SEMA3E: variants seen among roughly 807,000 people sequenced by gnomAD.
SEMA3E encodes the protein semaphorin 3E.
In SEMA3E, 49 loss-of-function variants were observed where a neutral mutation model predicts 93.6. The observed-to-expected ratio is 0.52, with a 90% CI of 0.42 to 0.66. SEMA3E has a LOEUF of 0.66. Among genes scored for constraint, SEMA3E ranks in the 30% least tolerant of loss-of-function variants. The probability of loss-of-function intolerance (pLI) is 0.00; values close to 1 mark genes in which losing one functional copy is unlikely to be tolerated. For synonymous variants in SEMA3E, 363 were observed against 330.7 expected (o/e 1.10, Z -1.06); for missense variants, 906 against 964.8 (o/e 0.94, Z 0.81).
chr7:83,506,534 G>A (rs189716125), intron 1 of SEMA3E, among the ~76,000 whole-genome samples: 1 of 152,044 alleles, frequency 6.6e-6, no homozygotes, highest in East Asian at 1.9e-4. Context: ...GAATAAATAA[G>A]ATCTAGTATT....
At chr7:83,644,719 A>G (rs1477165156) in intron 1 of SEMA3E, among the ~76,000 whole-genome samples, 2 of 151,950 alleles carry the variant, frequency 1.3e-5, no homozygotes, top group Non-Finnish European at 2.9e-5. Context: ...AACTATGATA[A>G]ATCTGTATTT....
At chr7:83,461,758 C>T (rs919701730) in intron 4 of SEMA3E, among the ~76,000 whole-genome samples, 9 of 152,182 alleles carry the variant, frequency 5.9e-5, no homozygotes, top group Admixed American at 5.9e-4. Context: ...GGCCCTCAAA[C>T]CCCACAACAG....
At chr7:83,529,405 T>C (rs1562820571) in intron 1 of SEMA3E, among the ~76,000 whole-genome samples, 2 of 152,152 alleles carry the variant, frequency 1.3e-5, no homozygotes, top group African/African-American at 2.4e-5. Context: ...TTGGTAATTA[T>C]GGTAATTTGA....
rs79678081 is a variant in SEMA3E, at chr7:83,523,408, A to T, written c.116-33134T>A. ...AGGGAGGAAGTCAGAGGCATGTTTTAAAAAATGTAACAAATTTCATTTTTA... is the reference window on the plus strand; with the variant it reads ...AGGGAGGAAGTCAGAGGCATGTTTTTAAAAATGTAACAAATTTCATTTTTA... On this transcript the variant is annotated intron_variant, in intron 1 of 16. Coordinates refer to ENST00000643230, the MANE Select transcript of SEMA3E (RefSeq NM_012431.3). Among the ~76,000 whole-genome samples the T allele has an allele frequency of 4.3e-3, 650 of 152,194 alleles. 2 individuals are homozygous for T. The highest frequency in any genetic ancestry group is 0.015 in the African/African-American group (631 of 41,552).
chr7:83,415,628 C>T (rs955094246), intron 5 of SEMA3E, among the ~76,000 whole-genome samples: 2 of 152,012 alleles, frequency 1.3e-5, no homozygotes. Context: ...TTATTAACCT[C>T]TTCTTCGTAT....
chr7:83,407,279 T>C (rs780446739), intron 6 of SEMA3E, 40 bp from the exon 7 acceptor site: 22 of 1,536,820 alleles, frequency 1.4e-5, no homozygotes, highest in Non-Finnish European at 1.7e-5. Flanking sequence ...GAAATAGATA[T>C]TACAACTAAA....
intron 1 of SEMA3E, among the ~76,000 whole-genome samples, chr7:83,510,543 A>G (rs1245403888): frequency 2.6e-5 from 4 of 152,174 alleles, no homozygotes; most frequent in Non-Finnish European, 5.9e-5. Context: ...TCCTTCAAAC[A>G]TTGAACCATG....
At chr7:83,605,286 G>A (rs536979942) in intron 1 of SEMA3E, among the ~76,000 whole-genome samples, 10 of 152,016 alleles carry the variant, frequency 6.6e-5, no homozygotes, top group East Asian at 5.8e-4. Flanking sequence ...CAGACTTGCC[G>A]GTATCTATTG....
At chr7:83,424,835 T>C (rs1256407903) in intron 4 of SEMA3E, 2 of 208,400 alleles carry the variant, frequency 9.6e-6, no homozygotes, top group Non-Finnish European at 2.0e-5. Context: ...CGAGAAAAAC[T>C]AGATCCAGAA....
intron 4 of SEMA3E, among the ~76,000 whole-genome samples, chr7:83,454,296 T>TATATATATATATAA (rs1350195502): frequency 7.7e-6 from 1 of 130,650 alleles, no homozygotes; most frequent in Admixed American, 8.2e-5. Flanking sequence ...TATATATATA[T>TATATATATATATAA]AATGTGTGTA....
intron 1 of SEMA3E, among the ~76,000 whole-genome samples, chr7:83,640,245 C>T (rs1436945313): frequency 6.6e-6 from 1 of 152,188 alleles, no homozygotes; most frequent in East Asian, 1.9e-4. Flanking sequence ...TGTTCCACCA[C>T]TCTATCCTGT....
intron 4 of SEMA3E, among the ~76,000 whole-genome samples, chr7:83,446,846 T>C (rs763474032): frequency 1.1e-4 from 16 of 152,182 alleles, no homozygotes; most frequent in Non-Finnish European, 2.4e-4. Flanking sequence ...TAACACTCCC[T>C]TGTGAAGTGT....
At chr7:83,520,202 T>C (rs914309599) in intron 1 of SEMA3E, among the ~76,000 whole-genome samples, 3 of 152,120 alleles carry the variant, frequency 2.0e-5, no homozygotes, top group Admixed American at 6.6e-5. Flanking sequence ...TATTACTCAA[T>C]GAATTTACAT....
rs11976310 is a variant in SEMA3E, at chr7:83,594,004, T to C, written c.115+54424A>G. On this transcript the variant is annotated intron_variant, in intron 1 of 16. Coordinates refer to ENST00000643230, the MANE Select transcript of SEMA3E (RefSeq NM_012431.3). ...ATTTCATTTCACATTTGTTAAAGAG[T>C]GTTTGTATTTGGAGGTACATGAACC... 3.2e-3 allele frequency among the ~76,000 whole-genome samples: 491 copies of C among 152,078 alleles called. 3 individuals are homozygous for C. The highest frequency in any genetic ancestry group is 0.011 in the African/African-American group (470 of 41,498).
chr7:83,565,127 C>T (rs553212109), intron 1 of SEMA3E, among the ~76,000 whole-genome samples: 6 of 152,010 alleles, frequency 3.9e-5, no homozygotes, highest in Non-Finnish European at 5.9e-5. Context: ...ACACATACAC[C>T]GTCCCAAGAC....
At chr7:83,476,117 A>T (rs1163554006) in intron 2 of SEMA3E, among the ~76,000 whole-genome samples, 1 of 152,182 alleles carries the variant, frequency 6.6e-6, no homozygotes, top group Non-Finnish European at 1.5e-5. Context: ...ACCAGTGCCT[A>T]TCTGGCACAG....
At chr7:83,616,282 G>A (rs1793365573) in intron 1 of SEMA3E, among the ~76,000 whole-genome samples, 1 of 151,992 alleles carries the variant, frequency 6.6e-6, no homozygotes, top group Admixed American at 6.6e-5. Flanking sequence ...AGGTAGCTAG[G>A]GCAATTGTCA....
chr7:83,619,663 G>C (rs1470632170), intron 1 of SEMA3E, among the ~76,000 whole-genome samples: 2 of 151,660 alleles, frequency 1.3e-5, no homozygotes, highest in Admixed American at 1.3e-4. Flanking sequence ...ACCTGCTATG[G>C]ATATACTAAG....
intron 4 of SEMA3E, among the ~76,000 whole-genome samples, chr7:83,462,502 C>T (rs1316515477): frequency 6.6e-6 from 1 of 152,068 alleles, no homozygotes; most frequent in Non-Finnish European, 1.5e-5. Context: ...CCTTTTCCCC[C>T]AGTTCAAAGC....
Sources: allele counts gnomAD v4.1 joint callset (sites outside exome capture counted in the v4.1 genomes callset), GRCh38; gene constraint gnomAD v4.1.1; transcripts MANE v1.5; gene names NCBI Gene and HGNC (gene_info 2026-07-23, HGNC 2026-07-21).